Variants in FAM171A1 observed in about 807,000 individuals in gnomAD.
FAM171A1 encodes the protein family with sequence similarity 171 member A1.
A neutral mutation model predicts 74.9 loss-of-function variants in FAM171A1; 23 were observed. That is an observed-to-expected ratio of 0.31 (90% CI 0.22 to 0.44). The LOEUF (loss-of-function observed/expected upper bound fraction) is 0.44. FAM171A1 is among the 20% of genes least tolerant of loss of function. FAM171A1 has a pLI of 1.00. For missense variants in FAM171A1, 1,162 were observed against 1,159.2 expected, an observed-to-expected ratio of 1.00 and a Z score of -0.03; for synonymous variants, 527 against 505.7, an observed-to-expected ratio of 1.04 and a Z score of -0.57.
intron 1 of FAM171A1, among the ~76,000 whole-genome samples, chr10:15,334,029 A>T (rs889712244): frequency 2.6e-5 from 4 of 151,974 alleles, no homozygotes; most frequent in African/African-American, 9.7e-5. Context: ...TCCCTTGGGG[A>T]GTGCCTCCTC....
chr10:15,241,068 A>C (rs1487184131), intron 5 of FAM171A1: 2 of 152,412 alleles, frequency 1.3e-5, no homozygotes, highest in Non-Finnish European at 2.9e-5. Flanking sequence ...AAACACAAAC[A>C]AACAAAAACT....
At chr10:15,291,820 A>G (rs1477452002) in intron 1 of FAM171A1, among the ~76,000 whole-genome samples, 1 of 150,328 alleles carries the variant, frequency 6.7e-6, no homozygotes, top group Non-Finnish European at 1.5e-5. Flanking sequence ...GGCCTGGCGC[A>G]CTCTCCCCCA....
At chr10:15,233,521 G>GGTGGGTGTGT (rs1554832515) in intron 5 of FAM171A1, among the ~76,000 whole-genome samples, 1 of 145,282 alleles carries the variant, frequency 6.9e-6, no homozygotes, top group African/African-American at 2.6e-5. Flanking sequence ...GTGTATTCAG[G>GGTGGGTGTGT]GTGTGTGTGT....
Position 15,248,666 on chromosome 10 carries a change from C to G in FAM171A1, c.727G>C (p.Ala243Pro), listed in dbSNP as rs377172164. 8.1e-6 allele frequency: 13 copies of G among 1,610,206 alleles called. 1 individual carries two copies. Among genetic ancestry groups the G allele is most frequent in the Middle Eastern group, 3.4e-4 (2 of 5,958 alleles). ...AGCTTCTGGTCAAACCGCCACGCCG[C>G]GACATAGGCATTGTGCCTCAGGCTG... The part of the protein sequence containing the change: ...QSSLRHNAYV[A>P]AWRFDQKLGT... Residue 243 changes from alanine to proline, a missense_variant, in exon 5 of 8, where the codon GCG becomes CCG. By Grantham distance (27) the Ala-to-Pro change is conservative. Coordinates refer to ENST00000378116, the MANE Select transcript of FAM171A1 (RefSeq NM_001010924.2).
Position 15,220,985 on chromosome 10 carries a change from T to C in FAM171A1, c.830A>G (p.Gln277Arg). Residue 277 changes from glutamine to arginine, a missense_variant, in exon 6 of 8, where the codon CAG becomes CGG. Physicochemically the swap from Gln to Arg is conservative, Grantham distance 43. Transcript: ENST00000378116. The part of the protein sequence containing the change: ...SQLTWTYIAP[Q>R]LGYWVAAMSP... ...CATGGCGGCCACCCAGTACCCCAAC[T>C]GGGGGGCAATGTATGTCCACGTCAG... is the stretch of plus-strand genomic sequence containing the variant. The C allele has an allele frequency of 6.2e-7, 1 of 1,614,068 alleles. No homozygotes were observed. Among genetic ancestry groups the C allele is most frequent in the Non-Finnish European group, 8.5e-7 (1 of 1,179,992 alleles).
intron 1 of FAM171A1, among the ~76,000 whole-genome samples, chr10:15,355,659 G>A (rs1391494891): frequency 6.6e-6 from 1 of 152,012 alleles, no homozygotes; most frequent in Admixed American, 6.6e-5. Flanking sequence ...AGGTTGCAGT[G>A]AGCCAAGATT....
At chr10:15,342,597 T>C (rs1043759168) in intron 1 of FAM171A1, among the ~76,000 whole-genome samples, 2 of 151,952 alleles carry the variant, frequency 1.3e-5, no homozygotes, top group Non-Finnish European at 2.9e-5. Flanking sequence ...AAAAAACACA[T>C]AACGGGTGTT....
chr10:15,333,472 C>T (rs1175247779), intron 1 of FAM171A1, among the ~76,000 whole-genome samples: 5 of 152,248 alleles, frequency 3.3e-5, no homozygotes, highest in Non-Finnish European at 7.4e-5. Context: ...TGCACTCCAG[C>T]CTGGGTGACA....
intron 1 of FAM171A1, among the ~76,000 whole-genome samples, chr10:15,330,907 G>A (rs1444335851): frequency 6.9e-6 from 1 of 145,152 alleles, no homozygotes; most frequent in Non-Finnish European, 1.5e-5. Context: ...TTTTTTTTTT[G>A]AGATGGAGTC....
chr10:15,325,433 A>C (rs898393555), intron 1 of FAM171A1, among the ~76,000 whole-genome samples: 53 of 152,272 alleles, frequency 3.5e-4, no homozygotes, highest in African/African-American at 1.3e-3. Flanking sequence ...ACTTGAGTCC[A>C]GGCAGCTGAG....
chr10:15,275,260 T>G (rs1027288313), intron 3 of FAM171A1, among the ~76,000 whole-genome samples: 1 of 151,572 alleles, frequency 6.6e-6, no homozygotes, highest in Non-Finnish European at 1.5e-5. Flanking sequence ...ATGTATAATT[T>G]AAAAAATAAT....
intron 3 of FAM171A1, among the ~76,000 whole-genome samples, chr10:15,269,060 A>T (rs1404029883): frequency 6.6e-6 from 1 of 151,840 alleles, no homozygotes. Context: ...AAACAAACAA[A>T]CAAACAAACA....
chr10:15,366,393 T>C (rs1410124525), intron 1 of FAM171A1, among the ~76,000 whole-genome samples: 1 of 152,238 alleles, frequency 6.6e-6, no homozygotes, highest in Non-Finnish European at 1.5e-5. Context: ...GTGCTGGGAT[T>C]ACAGGCATAA....
At chr10:15,240,488 C>A (rs1022950109) in intron 5 of FAM171A1, among the ~76,000 whole-genome samples, 1 of 152,062 alleles carries the variant, frequency 6.6e-6, no homozygotes, top group South Asian at 2.1e-4. Flanking sequence ...TAGTTGATCA[C>A]CTTCTAATGA....
At chr10:15,371,300 T>G, upstream of FAM171A1, among the ~76,000 whole-genome samples, 1 of 138,440 alleles carries the variant, frequency 7.2e-6, no homozygotes, top group Admixed American at 7.1e-5. Context: ...AACCCCTTCC[T>G]GCCTCGCCCG....
chr10:15,283,728 G>A (rs1426964986), intron 2 of FAM171A1, 150 bp downstream of exon 2: 3 of 715,182 alleles, frequency 4.2e-6, no homozygotes, highest in African/African-American at 1.8e-5. Flanking sequence ...GGGACTACAG[G>A]TGCACACTAT....
At chr10:15,361,349 C>T (rs774927626) in intron 1 of FAM171A1, among the ~76,000 whole-genome samples, 3 of 152,198 alleles carry the variant, frequency 2.0e-5, no homozygotes, top group Non-Finnish European at 1.5e-5. Flanking sequence ...AGAGAGTGAA[C>T]GTCATTCATT....
chr10:15,249,107 T>TC (rs1834475548), intron 4 of FAM171A1, among the ~76,000 whole-genome samples: 1 of 149,822 alleles, frequency 6.7e-6, no homozygotes, highest in South Asian at 2.1e-4. Context: ...TCTTTTTTTT[T>TC]TTTTTTTGAG....
intron 1 of FAM171A1, among the ~76,000 whole-genome samples, chr10:15,348,395 C>T (rs1835841287): frequency 6.6e-6 from 1 of 152,218 alleles, no homozygotes; most frequent in South Asian, 2.1e-4. Flanking sequence ...GCCTCAGCCT[C>T]CCAAAGTGCT....
Sources: gnomAD v4.1 joint callset for allele counts (sites outside exome capture counted in the v4.1 genomes callset) on GRCh38, gnomAD v4.1.1 for gene constraint, MANE v1.5 for transcripts, NCBI Gene and HGNC (gene_info 2026-07-23, HGNC 2026-07-21) for gene names.